The following RBFOX1 variants were observed in gnomAD, a reference collection of about 807,000 sequenced individuals.
RBFOX1 encodes the protein RNA binding protein fox-1 homolog 1.
Under a neutral mutation model 57.7 loss-of-function variants are expected in RBFOX1, and 8 were observed. The observed-to-expected ratio is 0.14, with a 90% CI of 0.08 to 0.25. The LOEUF (loss-of-function observed/expected upper bound fraction) is 0.25. Ranked by LOEUF, RBFOX1 falls within the 10% of genes least tolerant of loss-of-function variation. The pLI, the probability that RBFOX1 is intolerant of heterozygous loss-of-function variation, is 1.00. For missense variants in RBFOX1, 611 were observed against 548.5 expected (o/e 1.11, Z -1.14); for synonymous variants, 326 against 222.4 (o/e 1.47, Z -4.15).
At chr16:6,675,991 G>A (rs2057576027) in intron 3 of RBFOX1, among the ~76,000 whole-genome samples, 1 of 152,088 alleles carries the variant, frequency 6.6e-6, no homozygotes, top group African/African-American at 2.4e-5. Context: ...GACACCAAGG[G>A]CGATGGGAGA....
chr16:7,212,454 G>A (rs1318069903), intron 4 of RBFOX1, among the ~76,000 whole-genome samples: 1 of 152,134 alleles, frequency 6.6e-6, no homozygotes, highest in Non-Finnish European at 1.5e-5. Context: ...TTGTATCCAT[G>A]CAGATGCTGC....
At chr16:7,708,832 A>G (rs7184432) in intron 14 of RBFOX1, among the ~76,000 whole-genome samples, 9 of 27,316 alleles carry the variant, frequency 3.3e-4, no homozygotes, top group Admixed American at 3.7e-4. Context: ...GTGTGTATAT[A>G]TGTATTTATC....
intron 2 of RBFOX1, among the ~76,000 whole-genome samples, chr16:6,506,319 C>T (rs891035797): frequency 5.3e-5 from 8 of 151,820 alleles, no homozygotes; most frequent in African/African-American, 1.9e-4. Flanking sequence ...GTATGGGGAG[C>T]TGGAGGGAAG....
intron 3 of RBFOX1, among the ~76,000 whole-genome samples, chr16:5,803,605 C>T (rs1041634860): frequency 2.0e-5 from 3 of 152,126 alleles, no homozygotes; most frequent in Admixed American, 2.0e-4. Context: ...CTTTGTTGGG[C>T]ATTCATTAAG....
At chr16:7,599,519 C>T (rs1445957856) in intron 9 of RBFOX1, among the ~76,000 whole-genome samples, 2 of 151,892 alleles carry the variant, frequency 1.3e-5, no homozygotes, top group Non-Finnish European at 2.9e-5. Flanking sequence ...ATGAGGTATG[C>T]ATTATGTGAG....
intron 4 of RBFOX1, among the ~76,000 whole-genome samples, chr16:7,462,084 C>G (rs892584635): frequency 6.6e-6 from 1 of 152,172 alleles, no homozygotes; most frequent in East Asian, 1.9e-4. Context: ...TCCTGGGGTT[C>G]TTTTCTTGGT....
At chr16:7,260,239 A>G (rs1445278279) in intron 4 of RBFOX1, among the ~76,000 whole-genome samples, 2 of 152,234 alleles carry the variant, frequency 1.3e-5, no homozygotes, top group Non-Finnish European at 2.9e-5. Context: ...TAGAACAAAT[A>G]AGACTGCATT....
At chr16:6,728,363 C>G (rs1177408106) in intron 3 of RBFOX1, among the ~76,000 whole-genome samples, 1 of 43,892 alleles carries the variant, frequency 2.3e-5, no homozygotes, top group African/African-American at 4.0e-5. Flanking sequence ...CAGTTAAATC[C>G]CAATGTCTTG....
At chr16:7,641,527 A>T (rs909028370) in intron 11 of RBFOX1, among the ~76,000 whole-genome samples, 2 of 152,212 alleles carry the variant, frequency 1.3e-5, no homozygotes, top group Non-Finnish European at 2.9e-5. Flanking sequence ...TTTGTATGCA[A>T]CATAGGCTCT....
chr16:6,587,910 A>G (rs909693505), intron 2 of RBFOX1, among the ~76,000 whole-genome samples: 13 of 152,206 alleles, frequency 8.5e-5, no homozygotes, highest in Non-Finnish European at 1.6e-4. Context: ...TCATGCCTAA[A>G]GGCTTCAACA....
At chr16:5,687,384 T>C (rs117583988) in intron 3 of RBFOX1, among the ~76,000 whole-genome samples, 456 of 152,252 alleles carry the variant, frequency 3.0e-3, no homozygotes, top group Non-Finnish European at 4.2e-3. Context: ...TAGCCAACTT[T>C]GGGCCCGTCC....
At chr16:6,753,407 T>A (rs2075280402) in intron 3 of RBFOX1, among the ~76,000 whole-genome samples, 1 of 152,220 alleles carries the variant, frequency 6.6e-6, no homozygotes, top group South Asian at 2.1e-4. Flanking sequence ...AAAAATTGTG[T>A]GCCTGCATTA....
intron 2 of RBFOX1, among the ~76,000 whole-genome samples, chr16:6,400,296 C>T (rs1046827280): frequency 2.6e-5 from 4 of 152,086 alleles, no homozygotes; most frequent in African/African-American, 4.8e-5. Flanking sequence ...GTAATTATAA[C>T]GTACCTATAA....
At chr16:7,328,469 C>G (rs1410675803) in intron 4 of RBFOX1, among the ~76,000 whole-genome samples, 19 of 109,722 alleles carry the variant, frequency 1.7e-4, no homozygotes, top group African/African-American at 7.9e-4. Context: ...CAGAGCGAGA[C>G]TCTGTCTCAA....
chr16:7,549,617 C>T (rs574723638), intron 5 of RBFOX1, among the ~76,000 whole-genome samples: 1 of 152,256 alleles, frequency 6.6e-6, no homozygotes, highest in East Asian at 1.9e-4. Flanking sequence ...GTCCAAGAGT[C>T]CAAAAGCTGA....
chr16:6,976,748 C>CAT (rs144220608), intron 3 of RBFOX1, among the ~76,000 whole-genome samples: 3 of 144,918 alleles, frequency 2.1e-5, no homozygotes, highest in African/African-American at 7.5e-5. Flanking sequence ...ACATATATAT[C>CAT]ATGTCATACA....
chr16:6,944,689 T>C (rs1171132579), intron 3 of RBFOX1, among the ~76,000 whole-genome samples: 1 of 152,190 alleles, frequency 6.6e-6, no homozygotes, highest in African/African-American at 2.4e-5. Context: ...GCTGATTTCA[T>C]GGTTCAGTAC....
chr16:7,330,373 A>G (rs1407028279), intron 4 of RBFOX1, among the ~76,000 whole-genome samples: 1 of 145,170 alleles, frequency 6.9e-6, no homozygotes, highest in Non-Finnish European at 1.5e-5. Flanking sequence ...GTATATGTTC[A>G]GTGCAGGTGC....
chr16:6,322,765 T>C (rs1419768230), intron 2 of RBFOX1, among the ~76,000 whole-genome samples: 3 of 152,114 alleles, frequency 2.0e-5, no homozygotes, highest in Admixed American at 2.0e-4. Context: ...AAGGCGCCAG[T>C]TGGAATACAA....
Sources: gnomAD v4.1 joint callset for allele counts (sites outside exome capture counted in the v4.1 genomes callset) on GRCh38, gnomAD v4.1.1 for gene constraint, MANE v1.5 for transcripts, NCBI Gene and HGNC (gene_info 2026-07-23, HGNC 2026-07-21) for gene names.